The following CDK14 variants were observed in gnomAD, a reference collection of about 807,000 sequenced individuals.
CDK14 encodes cyclin-dependent kinase 14.
In CDK14, 34 loss-of-function variants were observed where a neutral mutation model predicts 60.7. The ratio of observed to expected loss-of-function variants is 0.56; its 90% CI spans 0.43 to 0.75. The LOEUF is 0.75. Ranked by LOEUF, CDK14 falls within the 30% of genes least tolerant of loss-of-function variation. The probability of loss-of-function intolerance (pLI) is 0.00; values close to 1 mark genes in which losing one functional copy is unlikely to be tolerated. For missense variants in CDK14, 482 were observed against 564.1 expected, an observed-to-expected ratio of 0.85 and a Z score of 1.47; for synonymous variants, 197 against 203.7, an observed-to-expected ratio of 0.97 and a Z score of 0.28.
intron 14 of CDK14, among the ~76,000 whole-genome samples, chr7:91,182,987 C>T (rs1274842898): frequency 6.6e-6 from 1 of 152,160 alleles, no homozygotes; most frequent in African/African-American, 2.4e-5. Context: ...CATTTATATG[C>T]AACAAGTAAA....
chr7:91,190,489 T>A (rs780786053), intron 14 of CDK14, among the ~76,000 whole-genome samples: 7 of 152,124 alleles, frequency 4.6e-5, no homozygotes, highest in South Asian at 2.1e-4. Context: ...GTTTCTTGTT[T>A]TTGTCTGTTT....
At chr7:91,022,239 G>A (rs570417725) in intron 10 of CDK14, among the ~76,000 whole-genome samples, 6 of 152,306 alleles carry the variant, frequency 3.9e-5, no homozygotes, top group South Asian at 4.1e-4. Flanking sequence ...TTCAGTAGTT[G>A]TATAATTCAT....
At chr7:90,847,931 A>G (rs1255909289) in intron 5 of CDK14, among the ~76,000 whole-genome samples, 3 of 152,144 alleles carry the variant, frequency 2.0e-5, no homozygotes, top group Non-Finnish European at 2.9e-5. Flanking sequence ...AATAACTCTG[A>G]CCTCAAAGAG....
intron 6 of CDK14, among the ~76,000 whole-genome samples, chr7:90,868,577 CCTAAA>C (rs1791264971): frequency 6.6e-6 from 1 of 151,800 alleles, no homozygotes; most frequent in African/African-American, 2.4e-5. Flanking sequence ...AGTGAAATAG[CCTAAA>C]CTAATGTATA....
At chr7:90,791,903 C>CTTTT (rs112725000) in intron 5 of CDK14, among the ~76,000 whole-genome samples, 5 of 141,728 alleles carry the variant, frequency 3.5e-5, no homozygotes, top group East Asian at 2.1e-4. Context: ...GAAAGGGCTT[C>CTTTT]TTTTTTTTTT....
At chr7:90,827,200 A>G (rs546382561) in intron 5 of CDK14, among the ~76,000 whole-genome samples, 1 of 152,270 alleles carries the variant, frequency 6.6e-6, no homozygotes, top group East Asian at 1.9e-4. Flanking sequence ...AGAACGATAG[A>G]TTGTATAGCC....
At chr7:90,721,622 T>C (rs1472902909) in intron 2 of CDK14, among the ~76,000 whole-genome samples, 1 of 152,176 alleles carries the variant, frequency 6.6e-6, no homozygotes, top group East Asian at 1.9e-4. Context: ...TGGAATCTAT[T>C]ACTTTCCAAA....
At chr7:91,198,899 A>G (rs1471661535) in intron 14 of CDK14, among the ~76,000 whole-genome samples, 3 of 152,234 alleles carry the variant, frequency 2.0e-5, no homozygotes, top group Non-Finnish European at 4.4e-5. Context: ...AAATCTTTTA[A>G]TTAAAATCAG....
At chr7:90,795,183 A>C (rs1806008453) in intron 5 of CDK14, among the ~76,000 whole-genome samples, 1 of 152,240 alleles carries the variant, frequency 6.6e-6, no homozygotes, top group Non-Finnish European at 1.5e-5. Context: ...AGTGTAAATC[A>C]TGGAAAAATT....
chr7:90,611,393 A>T (rs1799535153), intron 2 of CDK14, among the ~76,000 whole-genome samples: 1 of 152,160 alleles, frequency 6.6e-6, no homozygotes, highest in South Asian at 2.1e-4. Context: ...AGTCACCTTG[A>T]TTTCAGCACA....
At chr7:90,956,218 C>T (rs1794405018) in intron 9 of CDK14, among the ~76,000 whole-genome samples, 1 of 152,132 alleles carries the variant, frequency 6.6e-6, no homozygotes, top group Non-Finnish European at 1.5e-5. Context: ...TTTGGTGTAA[C>T]TGTTAGGCAC....
intron 7 of CDK14, among the ~76,000 whole-genome samples, chr7:90,907,481 G>T (rs926409787): frequency 3.3e-5 from 5 of 152,034 alleles, no homozygotes; most frequent in South Asian, 2.1e-4. Context: ...GTCTCCAGCT[G>T]ATGTCCAGAA....
At chr7:90,766,768 C>T (rs1804581319) in intron 4 of CDK14, among the ~76,000 whole-genome samples, 1 of 152,220 alleles carries the variant, frequency 6.6e-6, no homozygotes, top group Admixed American at 6.5e-5. Flanking sequence ...CTCGGGGGGC[C>T]ATAGGCAGGG....
At chr7:90,686,591 G>C (rs1184583653) in intron 2 of CDK14, among the ~76,000 whole-genome samples, 1 of 152,170 alleles carries the variant, frequency 6.6e-6, no homozygotes, top group Non-Finnish European at 1.5e-5. Flanking sequence ...TAAAAGAAAA[G>C]GACTCTGTCT....
At chr7:90,778,571 T>G (rs1283225842) in intron 4 of CDK14, among the ~76,000 whole-genome samples, 2 of 152,150 alleles carry the variant, frequency 1.3e-5, no homozygotes, top group Non-Finnish European at 2.9e-5. Context: ...CTTTCAGTGT[T>G]TTTTGTATCA....
chr7:90,949,594 A>G (rs1794196194), intron 8 of CDK14, among the ~76,000 whole-genome samples: 2 of 152,168 alleles, frequency 1.3e-5, no homozygotes, highest in Non-Finnish European at 2.9e-5. Flanking sequence ...GGGATAATTA[A>G]ATAAAATCAA....
intron 4 of CDK14, among the ~76,000 whole-genome samples, chr7:90,778,846 A>ACTTCCTTCCTT (rs1554335031): frequency 5.5e-5 from 7 of 127,972 alleles, no homozygotes; most frequent in African/African-American, 2.2e-4. Context: ...AAATTGACCG[A>ACTTCCTTCCTT]CCTTCCTTCC....
intron 5 of CDK14, among the ~76,000 whole-genome samples, chr7:90,825,948 T>C (rs887934986): frequency 6.6e-6 from 1 of 152,216 alleles, no homozygotes; most frequent in East Asian, 1.9e-4. Flanking sequence ...TTTAAAGATA[T>C]GATTAGTCAT....
At chr7:91,142,503 G>C (rs948243875) in intron 14 of CDK14, among the ~76,000 whole-genome samples, 4 of 152,220 alleles carry the variant, frequency 2.6e-5, no homozygotes, top group African/African-American at 9.6e-5. Context: ...GCCCAGAGGA[G>C]CCTTTTGTTG....
Sources: allele counts gnomAD v4.1 joint callset (sites outside exome capture counted in the v4.1 genomes callset), GRCh38; gene constraint gnomAD v4.1.1; transcripts MANE v1.5; gene names NCBI Gene and HGNC (gene_info 2026-07-23, HGNC 2026-07-21).